The following AKAP8 variants were observed in gnomAD, a reference collection of about 807,000 sequenced individuals.
AKAP8 encodes A-kinase anchoring protein 8, also known as A-kinase anchor protein 8.
In AKAP8, 24 loss-of-function variants were observed where a neutral mutation model predicts 67.5. The observed-to-expected ratio is 0.36, with a 90% CI of 0.26 to 0.50. The LOEUF is 0.50. Ranked by LOEUF, AKAP8 falls within the 20% of genes least tolerant of loss-of-function variation. The probability of loss-of-function intolerance (pLI) is 0.97; values close to 1 mark genes in which losing one functional copy is unlikely to be tolerated. For missense variants in AKAP8, 971 were observed against 955.9 expected (o/e 1.02, Z -0.21); for synonymous variants, 400 against 371.1 (o/e 1.08, Z -0.90).
At chr19:15,377,263 G>A (rs1342847388) in intron 1 of AKAP8, among the ~76,000 whole-genome samples, 1 of 152,114 alleles carries the variant, frequency 6.6e-6, no homozygotes, top group Non-Finnish European at 1.5e-5. Flanking sequence ...GCCCTGCAGA[G>A]GGACCTTGGC....
intron 9 of AKAP8, 110 bp from the exon 10 acceptor site, chr19:15,362,361 C>T (rs2145066133): frequency 6.3e-6 from 7 of 1,105,392 alleles, no homozygotes; most frequent in East Asian, 2.6e-5. Context: ...ATTTTCAGCT[C>T]TCCCCCTCCC....
rs1261143477 is a variant in AKAP8 at position 15,373,169 on chromosome 19, G to A, written c.543C>T (p.Gly181=). The A allele has an allele frequency of 6.2e-7, 1 of 1,613,582 alleles. No homozygotes were observed. Among genetic ancestry groups the A allele is most frequent in the Non-Finnish European group, 8.5e-7 (1 of 1,180,008 alleles). The change falls in exon 5 of 14, where the codon GGC becomes GGT. Residue 181 remains glycine (G), a synonymous_variant. Coordinates refer to ENST00000269701, the MANE Select transcript of AKAP8 (RefSeq NM_005858.4). The part of the protein sequence containing the change: ...SECRDPARER[G]SLDGFMRGRG... Reference sequence around the variant, plus strand: ...GGCCCCGCATGAAGCCATCAAGGGAGCCCCGCTCCCGGGCTGGGTCTCGGC... The same window carrying A: ...GGCCCCGCATGAAGCCATCAAGGGAACCCCGCTCCCGGGCTGGGTCTCGGC...
At chr19:15,379,413 G>C in intron 1 of AKAP8, 1 of 381,098 alleles carries the variant, frequency 2.6e-6, no homozygotes, top group South Asian at 8.5e-5. Flanking sequence ...CCGAAGGTGA[G>C]GGGCAAAAAC....
At chr19:15,374,657 C>G (rs767004212) in intron 2 of AKAP8, 22 bp from the exon 3 acceptor site, 11 of 1,613,154 alleles carry the variant, frequency 6.8e-6, no homozygotes, top group Non-Finnish European at 9.3e-6. Flanking sequence ...CAGAAACACA[C>G]AAGAGCCCTG....
chr19:15,371,146 G>A (rs74649079), intron 7 of AKAP8, among the ~76,000 whole-genome samples: 1 of 152,130 alleles, frequency 6.6e-6, no homozygotes, highest in East Asian at 1.9e-4. Flanking sequence ...CTGCCTGTGT[G>A]ACTCTAAGGA....
At chr19:15,371,720 C>T (rs1304392026) in intron 7 of AKAP8, among the ~76,000 whole-genome samples, 1 of 152,030 alleles carries the variant, frequency 6.6e-6, no homozygotes, top group Non-Finnish European at 1.5e-5. Flanking sequence ...AACTCTCGAC[C>T]TCAAGTGATC....
Position 15,368,263 on chromosome 19 carries a change from C to T in AKAP8, c.1132G>A (p.Asp378Asn). The T allele has an allele frequency of 6.2e-7, 1 of 1,613,366 alleles. No individual in the cohort carries two copies. Among genetic ancestry groups the T allele is most frequent in the Non-Finnish European group, 8.5e-7 (1 of 1,179,982 alleles). ...KKRREKQRRR[D>N]RTRDRAADRI... Reference sequence around the variant, plus strand: ...TCGGCTGCACGGTCCCGCGTCCTGTCTCTTCTCCTTTGCTTTTCCCTTCTC... The same window carrying T: ...TCGGCTGCACGGTCCCGCGTCCTGTTTCTTCTCCTTTGCTTTTCCCTTCTC... The change falls in exon 9 of 14, where the codon GAC becomes AAC. Residue 378 changes from aspartate (D) to asparagine (N), a missense_variant. By Grantham distance (23) the Asp-to-Asn change is conservative. Transcript: ENST00000269701.
chr19:15,373,150 G>T lies in AKAP8; in HGVS notation c.562C>A (p.Arg188=), dbSNP rs569588266. ...TGGAAGCGGCCCTGGCCCCGGCCCCGCATGAAGCCATCAAGGGAGCCCCGC... is the reference window on the plus strand; with the variant it reads ...TGGAAGCGGCCCTGGCCCCGGCCCCTCATGAAGCCATCAAGGGAGCCCCGC... ...RERGSLDGFM[R]GRGQGRFQDR... Residue 188 remains arginine (R), a synonymous_variant, in exon 5 of 14, where the codon CGG becomes AGG. Coordinates refer to ENST00000269701, the MANE Select transcript of AKAP8 (RefSeq NM_005858.4). 1.9e-6 allele frequency: 3 copies of T among 1,613,270 alleles called. No individual in the cohort carries two copies. The highest frequency in any genetic ancestry group is 4.5e-5 in the East Asian group (2 of 44,882).
intron 7 of AKAP8, among the ~76,000 whole-genome samples, chr19:15,371,324 G>A (rs558679694): frequency 6.6e-6 from 1 of 152,150 alleles, no homozygotes; most frequent in Non-Finnish European, 1.5e-5. Flanking sequence ...GAGGATGGAA[G>A]GATGAGGACA....
Position 15,359,051 on chromosome 19 carries a change from T to C in AKAP8, c.1539A>G (p.Glu513=). 1 of 1,614,192 alleles carries C rather than the reference T, an allele frequency of 6.2e-7. No homozygotes were observed. Among genetic ancestry groups the C allele is most frequent in the East Asian group, 2.2e-5 (1 of 44,888 alleles). Residue 513 remains glutamate (E), a synonymous_variant, in exon 13 of 14, where the codon GAA becomes GAG. Transcript: ENST00000269701. ...DHNHNRRLAA[E]QFKKTSLHVA... is the part of the protein sequence containing the mutation. ...CATGGAGACTGGTTTTCTTGAACTGTTCAGCAGCCAACTGCAAAGGGAACC... is the reference window on the plus strand; with the variant it reads ...CATGGAGACTGGTTTTCTTGAACTGCTCAGCAGCCAACTGCAAAGGGAACC...
intron 1 of AKAP8, 134 bp from the exon 2 acceptor site, chr19:15,377,148 C>CAAAAAAAAAA: frequency 1.0e-6 from 1 of 958,796 alleles, no homozygotes; most frequent in African/African-American, 1.7e-5. Flanking sequence ...CCCACCCCAC[C>CAAAAAAAAAA]AAAAAAAAGC....
At chr19:15,356,047 A>G (rs547344257) in intron 13 of AKAP8, among the ~76,000 whole-genome samples, 11 of 152,132 alleles carry the variant, frequency 7.2e-5, no homozygotes, top group African/African-American at 2.6e-4. Flanking sequence ...GCAATTTTTA[A>G]TCAAGCATGT....
In AKAP8 at chr19:15,354,411, G is replaced by A. The variant is rs2048263472; in HGVS notation, c.*504C>T. ...GCGGTCAGTGCCACATGTGAACCAG[G>A]TGCTGCGAAGTCCTGTGAAAGTCAC... On this transcript the variant is annotated 3_prime_UTR_variant, in exon 14 of 14. Transcript: ENST00000269701. 6.2e-6 allele frequency: 1 copy of A among 160,142 alleles called. No homozygotes were observed. The highest frequency in any genetic ancestry group is 1.4e-5 in the Non-Finnish European group (1 of 72,050). The allele number at this position is 160,142 out of a possible 1,614,324, so 9.9% of individuals were successfully genotyped here.
At chr19:15,357,703 T>C (rs996550799) in intron 13 of AKAP8, among the ~76,000 whole-genome samples, 9 of 142,904 alleles carry the variant, frequency 6.3e-5, no homozygotes, top group South Asian at 2.3e-4. Flanking sequence ...TCATGTTTCC[T>C]CCCTCTTTTT....
rs1483047186 is a variant in AKAP8, at chr19:15,369,288, G to A, written c.1072+858C>T. ...TGCCGCTAAGCGCTCGGGGCGCCCC[G>A]TGCTATGGACAGGACTGCTGCGGGT... On this transcript the variant is annotated intron_variant, in intron 8 of 13. Coordinates refer to ENST00000269701, the MANE Select transcript of AKAP8 (RefSeq NM_005858.4). The surrounding 1 kb of genome is among the most constrained non-coding windows in gnomAD (Gnocchi z 4.6). The A allele has an allele frequency of 6.1e-6, 6 of 984,578 alleles. No individual in the cohort carries two copies. In the South Asian group the frequency reaches 1.4e-4, roughly 23 times the overall value. The allele number at this position is 984,578 out of a possible 1,614,324, so 61.0% of individuals were successfully genotyped here.
intron 13 of AKAP8, among the ~76,000 whole-genome samples, chr19:15,357,685 T>C (rs1422780992): frequency 6.7e-6 from 1 of 149,844 alleles, no homozygotes; most frequent in Non-Finnish European, 1.5e-5. Context: ...AGGTAAAATA[T>C]ACATCAGTCA....
chr19:15,366,910 G>A (rs1047274417), intron 9 of AKAP8, among the ~76,000 whole-genome samples: 6 of 149,522 alleles, frequency 4.0e-5, no homozygotes, highest in Non-Finnish European at 8.9e-5. Flanking sequence ...CCCCCAGCCC[G>A]TTTCTTTTTC....
At position 15,355,047 on chromosome 19, in the gene AKAP8, A is replaced by G; in HGVS notation, c.1947T>C (p.Ala649=). The change falls in exon 14 of 14, where the codon GCT becomes GCC. Residue 649 remains alanine, a synonymous_variant. Coordinates refer to ENST00000269701, the MANE Select transcript of AKAP8 (RefSeq NM_005858.4). ...VPKARSEAAE[A]GNGAETMAAE... ...CTGCCATTGTCTCGGCGCCATTTCC[A>G]GCCTCTGCAGCCTCACTTCTGGCCT... 6.2e-7 allele frequency: 1 copy of G among 1,614,124 alleles called. No individual in the cohort carries two copies. The highest frequency in any genetic ancestry group is 8.5e-7 in the Non-Finnish European group (1 of 1,180,034).
chr19:15,374,468 C>T, intron 3 of AKAP8, 135 bp downstream of exon 3: 1 of 1,080,354 alleles, frequency 9.3e-7, no homozygotes. Context: ...TACACAACAG[C>T]AGCCGTGGCT....
Sources: gnomAD v4.1 joint callset for allele counts (sites outside exome capture counted in the v4.1 genomes callset) on GRCh38, gnomAD v4.1.1 for gene constraint, Gnocchi (gnomAD v3.1) non-coding constraint, MANE v1.5 for transcripts, NCBI Gene and HGNC (gene_info 2026-07-23, HGNC 2026-07-21) for gene names.